The following CHML variants were observed in gnomAD, a reference collection of about 807,000 sequenced individuals.
The protein encoded by CHML is CHM like Rab escort protein.
In CHML, 20 loss-of-function variants were observed where a neutral mutation model predicts 30.4. That is an observed-to-expected ratio of 0.66 (90% CI 0.46 to 0.95). The LOEUF (loss-of-function observed/expected upper bound fraction) is 0.95. Among genes scored for constraint, CHML ranks in the 40% least tolerant of loss-of-function variants. The probability of loss-of-function intolerance (pLI) is 0.00; values close to 1 mark genes in which losing one functional copy is unlikely to be tolerated. For synonymous variants in CHML, 281 were observed against 275.0 expected, an observed-to-expected ratio of 1.02 and a Z score of -0.22; for missense variants, 795 against 768.5, an observed-to-expected ratio of 1.03 and a Z score of -0.41.
chr1:241,635,042 C>T lies in CHML; in HGVS notation c.725G>A (p.Gly242Glu), dbSNP rs1482414816. 15 of 1,613,086 alleles carry T rather than the reference C, an allele frequency of 9.3e-6. No homozygotes were observed. The highest frequency in any genetic ancestry group is 2.7e-5 in the African/African-American group (2 of 74,884). ...TTTGATTAAAAGATCAATTAGCAAT[C>T]CTTGAGAATACAGCAGTTTTGACAC... ...DLVSKLLYSQGLLIDLLIKSD... is the reference protein window; with the variant it reads ...DLVSKLLYSQELLIDLLIKSD... Residue 242 changes from glycine to glutamate, a missense_variant, in exon 2 of 2, where the codon GGA becomes GAA. Transcript: ENST00000366553.
At position 241,630,578 on chromosome 1, in the gene CHML, A is replaced by G. The variant is rs1415631679; in HGVS notation, c.*3218T>C. The G allele has an allele frequency of 1.3e-5, 2 of 152,054 alleles. No homozygotes were observed. The highest frequency in any genetic ancestry group is 4.8e-5 in the African/African-American group (2 of 41,444). The allele number at this position is 152,054 out of a possible 1,614,324, so 9.4% of individuals were successfully genotyped here. ...AGAAAATATTTATGCTACTTTCCTT[A>G]TCTTCCTCATTTTGTGAATGCTGGC... On this transcript the variant is annotated 3_prime_UTR_variant, in exon 2 of 2. Coordinates refer to ENST00000366553, the MANE Select transcript of CHML (RefSeq NM_001381853.1).
chr1:241,639,996 CGCTGAG>C lies in CHML; in HGVS notation c.-428_-423del. ...ACCCCGAAGAGGGACACCAGCAGGT[CGCTGAG>C]GCTGATGTTGACCAGGAGGAGGTGA... On this transcript the variant is annotated 5_prime_UTR_variant, in exon 1 of 2. Coordinates refer to ENST00000366553, the MANE Select transcript of CHML (RefSeq NM_001381853.1). 1 of 1,613,020 alleles carries C rather than the reference CGCTGAG, an allele frequency of 6.2e-7. No homozygotes were observed. The highest frequency in any genetic ancestry group is 8.5e-7 in the Non-Finnish European group (1 of 1,179,596).
chr1:241,634,788 T>G lies in CHML; in HGVS notation c.979A>C (p.Lys327Gln). Residue 327 changes from lysine to glutamine, a missense_variant, in exon 2 of 2, where the codon AAA becomes CAA. Lys to Gln is a moderately conservative substitution (Grantham distance 53). Coordinates refer to ENST00000366553, the MANE Select transcript of CHML (RefSeq NM_001381853.1). ...AGGTTGGGAGTTAGTTTTTTAGTTTTTAAGTATTCTGAAAATGAACACTGC... is the reference window on the plus strand; with the variant it reads ...AGGTTGGGAGTTAGTTTTTTAGTTTGTAAGTATTCTGAAAATGAACACTGC... ...FRQCSFSEYL[K>Q]TKKLTPNLQH... is the part of the protein sequence containing the mutation. 6.2e-7 allele frequency: 1 copy of G among 1,613,974 alleles called. No homozygotes were observed. The highest frequency in any genetic ancestry group is 8.5e-7 in the Non-Finnish European group (1 of 1,179,890).
In CHML at chr1:241,635,257, AG is replaced by A. The variant is rs1558448093; in HGVS notation, c.509del (p.Thr170MetfsTer3). On this transcript the variant is annotated frameshift_variant, in exon 2 of 2. Coordinates refer to ENST00000366553, the MANE Select transcript of CHML (RefSeq NM_001381853.1). LOFTEE classifies it high-confidence loss of function. ...KSDTEISLEV[T>X]DVEESVEKEK... The stretch of plus-strand genomic sequence containing the variant: ...CCTTCTCCACTGATTCCTCTACATC[AG>A]TTACTTCTAGTGAAATCTCTGTATC... 6.2e-7 allele frequency: 1 copy of A among 1,613,938 alleles called. No homozygotes were observed. Among genetic ancestry groups the A allele is most frequent in the Middle Eastern group, 1.7e-4 (1 of 6,060 alleles).
rs1461862243 is a variant in CHML, at chr1:241,634,297, C to A, written c.1470G>T (p.Arg490=). The change falls in exon 2 of 2, where the codon CGG becomes CGT. Residue 490 remains arginine (R), a synonymous_variant. Transcript: ENST00000366553. The part of the protein sequence containing the change: ...PPAEPGACAV[R]VTELCSSTMT... ...TGGTTGAAGAACATAATTCTGTGACCCGTACAGCACAAGCTCCTGGCTCTG... is the reference window on the plus strand; with the variant it reads ...TGGTTGAAGAACATAATTCTGTGACACGTACAGCACAAGCTCCTGGCTCTG... 4.3e-6 allele frequency: 7 copies of A among 1,613,718 alleles called. No homozygotes were observed. In the East Asian group the frequency reaches 1.6e-4, roughly 36 times the overall value.
At chr1:241,636,353 AGCTTTT>A (rs1664897687) in intron 1 of CHML, among the ~76,000 whole-genome samples, 2 of 152,254 alleles carry the variant, frequency 1.3e-5, no homozygotes. Context: ...CTCTAACTTT[AGCTTTT>A]AAGAAAACTA....
rs1281752859 is a variant in CHML at position 241,634,543 on chromosome 1, G to A, written c.1224C>T (p.Cys408=). ...GTCCAGATTCTTTGTCGACTACAAA[G>A]CATTGTACTTTATGACGAAGACAAT... is the stretch of plus-strand genomic sequence containing the variant. ...GIYCLRHKVQ[C]FVVDKESGRC... Residue 408 remains cysteine, a synonymous_variant, in exon 2 of 2, where the codon TGC becomes TGT. Coordinates refer to ENST00000366553, the MANE Select transcript of CHML (RefSeq NM_001381853.1). The A allele has an allele frequency of 6.2e-7, 1 of 1,613,884 alleles. No individual in the cohort carries two copies. Among genetic ancestry groups the A allele is most frequent in the East Asian group, 2.2e-5 (1 of 44,884 alleles).
At position 241,634,314 on chromosome 1, in the gene CHML, C is replaced by T. The variant is rs1315212121; in HGVS notation, c.1453G>A (p.Gly485Arg). Reference sequence around the variant, plus strand: ...TCTGTGACCCGTACAGCACAAGCTCCTGGCTCTGCTGGAGGAACTATCAGA... The same window carrying T: ...TCTGTGACCCGTACAGCACAAGCTCTTGGCTCTGCTGGAGGAACTATCAGA... ...SILIVPPAEP[G>R]ACAVRVTELC... Residue 485 changes from glycine to arginine, a missense_variant, in exon 2 of 2, where the codon GGA becomes AGA. Gly to Arg is a moderately radical substitution (Grantham distance 125, BLOSUM62 -2). Transcript: ENST00000366553. The T allele has an allele frequency of 6.2e-7, 1 of 1,613,866 alleles. No individual in the cohort carries two copies. Among genetic ancestry groups the T allele is most frequent in the Non-Finnish European group, 8.5e-7 (1 of 1,179,936 alleles).
At position 241,634,154 on chromosome 1, in the gene CHML, A is replaced by G; in HGVS notation, c.1613T>C (p.Ile538Thr). 4.3e-6 allele frequency: 7 copies of G among 1,613,572 alleles called. No homozygotes were observed. The highest frequency in any genetic ancestry group is 5.1e-6 in the Non-Finnish European group (6 of 1,179,814). Residue 538 changes from isoleucine to threonine, a missense_variant, in exon 2 of 2, where the codon ATA becomes ACA. By Grantham distance (89) the Ile-to-Thr change is moderately conservative. Transcript: ENST00000366553. ...TGGCTTTGTAAGTTCTTCCTCGTTT[A>G]TTTCTGTTTCAGTATACGGAGTGAA... ...KLFTPYTETE[I>T]NEEELTKPRL... is the part of the protein sequence containing the mutation.
Position 241,635,061 on chromosome 1 carries a change from T to C in CHML, c.706A>G (p.Lys236Glu). The change falls in exon 2 of 2, where the codon AAA (lysine) becomes GAA (glutamate). Residue 236 changes from lysine to glutamate, a missense_variant. Coordinates refer to ENST00000366553, the MANE Select transcript of CHML (RefSeq NM_001381853.1). ...GRRFNIDLVS[K>E]LLYSQGLLID... ...AGCAATCCTTGAGAATACAGCAGTT[T>C]TGACACCAAATCAATATTAAACCTC... is the stretch of plus-strand genomic sequence containing the variant. 6.2e-7 allele frequency: 1 copy of C among 1,613,096 alleles called. No individual in the cohort carries two copies. The highest frequency in any genetic ancestry group is 1.1e-5 in the South Asian group (1 of 91,000).
At position 241,632,631 on chromosome 1, in the gene CHML, C is replaced by T. The variant is rs1385710123; in HGVS notation, c.*1165G>A. 6.6e-6 allele frequency: 1 copy of T among 152,098 alleles called. No homozygotes were observed. Among genetic ancestry groups the T allele is most frequent in the Admixed American group, 6.6e-5 (1 of 15,264 alleles). 9.4% of individuals were successfully genotyped at this position (152,098 alleles called of 1,614,324 possible). A position where few individuals can be genotyped will look rare whatever the true frequency, so the allele number is the denominator to read the frequency against. ...AAAAAAGTTTCTATACTCTGGATAACAGCTAAGAGGCAAGAGAGATTACAG... is the reference window on the plus strand; with the variant it reads ...AAAAAAGTTTCTATACTCTGGATAATAGCTAAGAGGCAAGAGAGATTACAG... On this transcript the variant is annotated 3_prime_UTR_variant, in exon 2 of 2. Transcript: ENST00000366553.
chr1:241,635,616 T>A lies in CHML; in HGVS notation c.151A>T (p.Ser51Cys). ...AACCAGGATAGCAATCCTGAAAAGC[T>A]GAAACTAGCCCAGTTTCCTCCATAG... Reference protein sequence around the residue: ...SYYGGNWASFSFSGLLSWLKE... With the variant: ...SYYGGNWASFCFSGLLSWLKE... Residue 51 changes from serine to cysteine, a missense_variant, in exon 2 of 2, where the codon AGC (serine) becomes TGC (cysteine). Physicochemically the swap from Ser to Cys is moderately radical, Grantham distance 112. Transcript: ENST00000366553. The A allele has an allele frequency of 6.2e-7, 1 of 1,614,160 alleles. No individual in the cohort carries two copies.
rs781312564 is a variant in CHML at position 241,635,469 on chromosome 1, C to T, written c.298G>A (p.Glu100Lys). The change falls in exon 2 of 2, where the codon GAA (glutamate) becomes AAA (lysine). Residue 100 changes from glutamate to lysine, a missense_variant. By Grantham distance (56) the Glu-to-Lys change is moderately conservative. Coordinates refer to ENST00000366553, the MANE Select transcript of CHML (RefSeq NM_001381853.1). ...RKKDETIQHT[E>K]AFCYASQDME... Reference sequence around the variant, plus strand: ...TCCTGACTGGCGTAGCAAAAAGCTTCTGTGTGTTGAATAGTTTCATCCTTC... The same window carrying T: ...TCCTGACTGGCGTAGCAAAAAGCTTTTGTGTGTTGAATAGTTTCATCCTTC... The T allele has an allele frequency of 3.1e-6, 5 of 1,613,878 alleles. No individual in the cohort carries two copies. The highest frequency in any genetic ancestry group is 4.2e-6 in the Non-Finnish European group (5 of 1,179,960).
chr1:241,638,755 C>G (rs1664999017), intron 1 of CHML, among the ~76,000 whole-genome samples: 1 of 152,036 alleles, frequency 6.6e-6, no homozygotes, highest in Non-Finnish European at 1.5e-5. Context: ...TTCTTATTTC[C>G]TTCAAAACGC....
At position 241,639,913 on chromosome 1, in the gene CHML, G is replaced by A; in HGVS notation, c.-339C>T. ...GGCTGCCGCTAAACCCGTCCCACAC[G>A]CAGCCCACGGTGTCCCACACCCAGC... On this transcript the variant is annotated 5_prime_UTR_variant, in exon 1 of 2. Transcript: ENST00000366553. 6.3e-7 allele frequency: 1 copy of A among 1,597,442 alleles called. No homozygotes were observed. The highest frequency in any genetic ancestry group is 8.5e-7 in the Non-Finnish European group (1 of 1,172,530).
At position 241,631,880 on chromosome 1, in the gene CHML, C is replaced by G. The variant is rs1664648869; in HGVS notation, c.*1916G>C. On this transcript the variant is annotated 3_prime_UTR_variant, in exon 2 of 2. Coordinates refer to ENST00000366553, the MANE Select transcript of CHML (RefSeq NM_001381853.1). ...CTTTCTCCTGCAGCGCCTACACTCT[C>G]TAACAGTGAATGTTAGTAGAAAGAT... 1.3e-5 allele frequency: 2 copies of G among 152,166 alleles called. No individual in the cohort carries two copies. Among genetic ancestry groups the G allele is most frequent in the South Asian group, 2.1e-4 (1 of 4,834 alleles). The allele number at this position is 152,166 out of a possible 1,614,324, so 9.4% of individuals were successfully genotyped here.
At position 241,635,247 on chromosome 1, in the gene CHML, C is replaced by G; in HGVS notation, c.520G>C (p.Glu174Gln). ...EISLEVTDVEESVEKEKYCGD... is the reference protein window; with the variant it reads ...EISLEVTDVEQSVEKEKYCGD... Reference sequence around the variant, plus strand: ...CAATACTTTTCCTTCTCCACTGATTCCTCTACATCAGTTACTTCTAGTGAA... The same window carrying G: ...CAATACTTTTCCTTCTCCACTGATTGCTCTACATCAGTTACTTCTAGTGAA... The change falls in exon 2 of 2, where the codon GAA (glutamate) becomes CAA (glutamine). Residue 174 changes from glutamate to glutamine, a missense_variant. Physicochemically the swap from Glu to Gln is conservative, Grantham distance 29. Transcript: ENST00000366553. 6.2e-7 allele frequency: 1 copy of G among 1,613,842 alleles called. No homozygotes were observed. Among genetic ancestry groups the G allele is most frequent in the South Asian group, 1.1e-5 (1 of 91,080 alleles).
In CHML at chr1:241,640,310, C is replaced by G. The variant is rs1286181328; in HGVS notation, c.-736G>C. The G allele has an allele frequency of 9.1e-7, 1 of 1,099,990 alleles. No homozygotes were observed. Among genetic ancestry groups the G allele is most frequent in the African/African-American group, 1.7e-5 (1 of 59,732 alleles). The allele number at this position is 1,099,990 out of a possible 1,614,324, so 68.1% of individuals were successfully genotyped here. The stretch of plus-strand genomic sequence containing the variant: ...GGCGCTCAGCTTGCGGCGGGGCTCG[C>G]GGCGCGCTCCGCACTGGGTGGGGTT... On this transcript the variant is annotated 5_prime_UTR_variant, in exon 1 of 2. Coordinates refer to ENST00000366553, the MANE Select transcript of CHML (RefSeq NM_001381853.1).
Position 241,634,650 on chromosome 1 carries a change from T to C in CHML, c.1117A>G (p.Thr373Ala), listed in dbSNP as rs769080965. Residue 373 changes from threonine to alanine, a missense_variant, in exon 2 of 2, where the codon ACC becomes GCC. Physicochemically the swap from Thr to Ala is moderately conservative, Grantham distance 58 (BLOSUM62 0). Coordinates refer to ENST00000366553, the MANE Select transcript of CHML (RefSeq NM_001381853.1). ...CCATACAAGGGAAATAAAAAGGGGG[T>C]GTTGCCAAACCGTCCGAGACACTGA... is the stretch of plus-strand genomic sequence containing the variant. ...FLQCLGRFGNTPFLFPLYGQG... is the reference protein window; with the variant it reads ...FLQCLGRFGNAPFLFPLYGQG... 2 of 1,613,704 alleles carry C rather than the reference T, an allele frequency of 1.2e-6. No homozygotes were observed. The highest frequency in any genetic ancestry group is 1.1e-5 in the South Asian group (1 of 91,060).
Sources: gnomAD v4.1 joint callset for allele counts (sites outside exome capture counted in the v4.1 genomes callset) on GRCh38, gnomAD v4.1.1 for gene constraint, MANE v1.5 for transcripts, NCBI Gene and HGNC (gene_info 2026-07-23, HGNC 2026-07-21) for gene names.